Variants in FOXP2 observed in about 807,000 individuals in gnomAD.
FOXP2 encodes the protein forkhead box P2, also known as forkhead box protein P2.
FOXP2 carries 12 observed loss-of-function variants against 115.8 expected under a neutral mutation model. The observed-to-expected ratio is 0.10, with a 90% CI of 0.07 to 0.17. FOXP2 has a LOEUF of 0.17. FOXP2 is among the 10% of genes least tolerant of loss of function. The pLI is 1.00. For synonymous variants in FOXP2, 328 were observed against 297.7 expected (o/e 1.10, Z -1.05); for missense variants, 629 against 843.5 (o/e 0.75, Z 3.15).
At chr7:114,277,772 A>G (rs900833698) in intron 1 of FOXP2, among the ~76,000 whole-genome samples, 3 of 151,914 alleles carry the variant, frequency 2.0e-5, no homozygotes, top group African/African-American at 7.2e-5. Context: ...AAAAAAGCAG[A>G]AAGAGGCGGA....
At chr7:114,459,261 T>C (rs1182991416) in intron 2 of FOXP2, among the ~76,000 whole-genome samples, 2 of 152,094 alleles carry the variant, frequency 1.3e-5, no homozygotes, top group Non-Finnish European at 2.9e-5. Flanking sequence ...CTCCATCTCT[T>C]GTTGGAGGAG....
At chr7:114,257,576 C>T (rs1311382713) in intron 1 of FOXP2, among the ~76,000 whole-genome samples, 1 of 151,654 alleles carries the variant, frequency 6.6e-6, no homozygotes, top group Non-Finnish European at 1.5e-5. Flanking sequence ...GCCTCAGCCT[C>T]CCGAGTAGCT....
upstream of FOXP2, among the ~76,000 whole-genome samples, chr7:114,158,042 G>C (rs1276674501): frequency 6.6e-6 from 1 of 152,032 alleles, no homozygotes; most frequent in Non-Finnish European, 1.5e-5. Flanking sequence ...ATTTGAGTAA[G>C]AGTCAGAATC....
chr7:114,310,116 G>T (rs1335251599), intron 2 of FOXP2, among the ~76,000 whole-genome samples: 1 of 152,190 alleles, frequency 6.6e-6, no homozygotes, highest in East Asian at 1.9e-4. Context: ...CCATCGAGCT[G>T]AGTAAGTAAG....
At chr7:114,665,138 T>C (rs1295397002) in intron 16 of FOXP2, 1 of 152,218 alleles carries the variant, frequency 6.6e-6, no homozygotes, top group Non-Finnish European at 1.5e-5. Flanking sequence ...TGATGTATTG[T>C]GGATTTCAGA....
intron 2 of FOXP2, among the ~76,000 whole-genome samples, chr7:114,434,915 G>A (rs532340790): frequency 2.0e-4 from 31 of 152,064 alleles, no homozygotes; most frequent in South Asian, 6.2e-4. Context: ...AAAATCTTTC[G>A]TCTGTCTCTT....
chr7:114,095,087 T>C (rs1799616830), intron 1 of FOXP2, among the ~76,000 whole-genome samples: 1 of 152,140 alleles, frequency 6.6e-6, no homozygotes, highest in South Asian at 2.1e-4. Flanking sequence ...GTGAAAAGTA[T>C]CTAGTTATTA....
intron 3 of FOXP2, among the ~76,000 whole-genome samples, chr7:114,542,361 G>A (rs1160596222): frequency 2.0e-5 from 3 of 152,072 alleles, no homozygotes; most frequent in African/African-American, 7.2e-5. Context: ...TTACAATCCA[G>A]TATCTAATAT....
At chr7:114,249,433 C>G (rs1795377744) in intron 1 of FOXP2, among the ~76,000 whole-genome samples, 1 of 151,836 alleles carries the variant, frequency 6.6e-6, no homozygotes, top group African/African-American at 2.4e-5. Context: ...TCTCACTGTT[C>G]AGCTCCCACT....
In FOXP2 at chr7:114,328,276, G is replaced by A. The variant is rs188895664; in HGVS notation, c.-11+40167G>A. Among the ~76,000 whole-genome samples, 157 of 126,606 alleles carry A rather than the reference G, an allele frequency of 1.2e-3. 2 individuals are homozygous for A. The highest frequency in any genetic ancestry group is 3.4e-3 in the South Asian group (14 of 4,066). The allele number at this position is 126,606 out of a possible 152,430, so 83.1% of individuals were successfully genotyped here. On this transcript the variant is annotated intron_variant, in intron 2 of 17. Transcript: ENST00000634411. ...TTTTGAGACAGAGTCTTGCTCTGTC[G>A]CCCAGGCTGGAGTCCAGTGGCGCGA...
intron 14 of FOXP2, among the ~76,000 whole-genome samples, chr7:114,663,112 A>T (rs1292912167): frequency 6.6e-6 from 1 of 152,126 alleles, no homozygotes; most frequent in East Asian, 1.9e-4. Flanking sequence ...ATTGTATTGT[A>T]TATTTACATT....
At chr7:114,205,689 G>T (rs1403864523) in intron 1 of FOXP2, among the ~76,000 whole-genome samples, 1 of 152,072 alleles carries the variant, frequency 6.6e-6, no homozygotes, top group African/African-American at 2.4e-5. Flanking sequence ...AAGAAAGAAA[G>T]CAGAATTGGG....
intron 1 of FOXP2, among the ~76,000 whole-genome samples, chr7:114,129,614 C>A (rs529081461): frequency 5.9e-5 from 9 of 152,232 alleles, no homozygotes; most frequent in Admixed American, 5.9e-4. Flanking sequence ...ATGTGTTGCT[C>A]CAAGGGATGT....
chr7:114,157,633 T>C (rs1030440688), intron 1 of FOXP2, among the ~76,000 whole-genome samples: 2 of 152,146 alleles, frequency 1.3e-5, no homozygotes, highest in Admixed American at 6.6e-5. Flanking sequence ...CCTATCCTAG[T>C]TGATGCACTT....
chr7:114,556,109 A>G (rs1030637335), intron 3 of FOXP2, among the ~76,000 whole-genome samples: 2 of 152,226 alleles, frequency 1.3e-5, no homozygotes, highest in African/African-American at 2.4e-5. Flanking sequence ...TGGCATCATG[A>G]GAATTTTCAT....
rs781537277 is a variant in FOXP2 at position 114,689,980 on chromosome 7, C to T, written c.*54C>T. ...GGGACATATCACTGACCTTCATAACCACTCCACAACCATGAATATTTGACA... is the reference window on the plus strand; with the variant it reads ...GGGACATATCACTGACCTTCATAACTACTCCACAACCATGAATATTTGACA... On this transcript the variant is annotated 3_prime_UTR_variant, in exon 17 of 17. Coordinates refer to ENST00000350908, the MANE Select transcript of FOXP2 (RefSeq NM_014491.4). The T allele has an allele frequency of 7.5e-6, 12 of 1,598,894 alleles. No homozygotes were observed. Among genetic ancestry groups the T allele is most frequent in the Non-Finnish European group, 1.0e-5 (12 of 1,169,466 alleles).
intron 3 of FOXP2, among the ~76,000 whole-genome samples, chr7:114,587,071 T>A (rs78369831): frequency 2.0e-5 from 3 of 151,738 alleles, no homozygotes; most frequent in African/African-American, 7.3e-5. Context: ...TTTTTTTTTT[T>A]AATTTTACTT....
At chr7:114,664,469 G>T (rs1195426725) in intron 16 of FOXP2, 33 bp downstream of exon 16, 5 of 1,611,756 alleles carry the variant, frequency 3.1e-6, no homozygotes, top group Middle Eastern at 1.6e-4. Context: ...CTAAAGGGAA[G>T]AATCTATATT....
chr7:114,088,164 A>G (rs753253704), intron 1 of FOXP2: 1 of 134,960 alleles, frequency 7.4e-6, no homozygotes, highest in Non-Finnish European at 1.6e-5. Flanking sequence ...TTTCCCCACC[A>G]CATATTAAAA....
Sources: gnomAD v4.1 joint callset for allele counts (sites outside exome capture counted in the v4.1 genomes callset) on GRCh38, gnomAD v4.1.1 for gene constraint, MANE v1.5 for transcripts, NCBI Gene and HGNC (gene_info 2026-07-23, HGNC 2026-07-21) for gene names.